The following NIBAN1 variants were observed in gnomAD, a reference collection of about 807,000 sequenced individuals.
The protein encoded by NIBAN1 is protein Niban 1.
Under a neutral mutation model 75.1 loss-of-function variants are expected in NIBAN1, and 81 were observed. The observed-to-expected ratio is 1.08, with a 90% CI of 0.90 to 1.30. The LOEUF (loss-of-function observed/expected upper bound fraction) is 1.30, where lower values mean the gene tolerates loss of function less well. Among genes scored for constraint, NIBAN1 ranks in the 50% most tolerant of loss-of-function variants. The pLI is 0.00. For missense variants in NIBAN1, 1,133 were observed against 1,128.1 expected, an observed-to-expected ratio of 1.00 and a Z score of -0.06; for synonymous variants, 436 against 424.8, an observed-to-expected ratio of 1.03 and a Z score of -0.32.
chr1:184,960,416 A>C (rs528249147), intron 1 of NIBAN1, among the ~76,000 whole-genome samples: 1 of 152,294 alleles, frequency 6.6e-6, no homozygotes, highest in South Asian at 2.1e-4. Context: ...TTATTTTCTA[A>C]GATATTCATT....
intron 5 of NIBAN1, among the ~76,000 whole-genome samples, chr1:184,852,288 C>T (rs1452160167): frequency 1.3e-5 from 2 of 152,180 alleles, no homozygotes; most frequent in Admixed American, 1.3e-4. Context: ...AGGTTTGTCA[C>T]GAATGTCCTT....
chr1:184,837,006 G>A (rs1655161823), intron 5 of NIBAN1, among the ~76,000 whole-genome samples: 1 of 152,188 alleles, frequency 6.6e-6, no homozygotes, highest in Non-Finnish European at 1.5e-5. Context: ...GGTTTGCTTT[G>A]TAAAAGATAA....
chr1:184,954,593 T>C, intron 1 of NIBAN1, among the ~76,000 whole-genome samples: 1 of 152,210 alleles, frequency 6.6e-6, no homozygotes, highest in East Asian at 1.9e-4. Context: ...CAAATTATAC[T>C]TAAGTTTTAA....
intron 1 of NIBAN1, among the ~76,000 whole-genome samples, chr1:184,924,262 C>T (rs900405023): frequency 6.6e-6 from 1 of 151,900 alleles, no homozygotes; most frequent in Admixed American, 6.6e-5. Context: ...AAAGGGATGT[C>T]GAATTTTATC....
intron 1 of NIBAN1, among the ~76,000 whole-genome samples, chr1:184,947,008 G>A (rs1557926234): frequency 6.6e-6 from 1 of 151,610 alleles, no homozygotes; most frequent in Non-Finnish European, 1.5e-5. Context: ...AGGAGGTAGA[G>A]GTTGTGGTGA....
intron 9 of NIBAN1, among the ~76,000 whole-genome samples, chr1:184,817,073 G>A (rs1169917634): frequency 6.6e-6 from 1 of 152,044 alleles, no homozygotes; most frequent in Admixed American, 6.5e-5. Context: ...TCCCTGCCAT[G>A]TCCACGTGTT....
intron 5 of NIBAN1, among the ~76,000 whole-genome samples, chr1:184,864,887 A>G (rs1184272895): frequency 6.6e-6 from 1 of 151,864 alleles, no homozygotes; most frequent in Non-Finnish European, 1.5e-5. Flanking sequence ...AAAGAAAAAA[A>G]AAACATTGGC....
At chr1:184,802,146 T>C (rs1654062822) in intron 12 of NIBAN1, among the ~76,000 whole-genome samples, 1 of 152,254 alleles carries the variant, frequency 6.6e-6, no homozygotes, top group South Asian at 2.1e-4. Flanking sequence ...CATTCATCTA[T>C]TCTGCAAATC....
At chr1:184,904,271 C>T (rs574972212) in intron 1 of NIBAN1, among the ~76,000 whole-genome samples, 8 of 152,188 alleles carry the variant, frequency 5.3e-5, no homozygotes, top group African/African-American at 1.9e-4. Flanking sequence ...ACTCATGATC[C>T]ACCCGCCTCG....
rs542745847 is a variant in NIBAN1 at position 184,822,859 on chromosome 1, G to A, written c.985+308C>T. On this transcript the variant is annotated intron_variant, in intron 8 of 13. Coordinates refer to ENST00000367511, the MANE Select transcript of NIBAN1 (RefSeq NM_052966.4). ...TGAGAGCTTACGGCAGAGAGGAGGTGGAGCAGAAGCCAGTCTAATTCAGTG... is the reference window on the plus strand; with the variant it reads ...TGAGAGCTTACGGCAGAGAGGAGGTAGAGCAGAAGCCAGTCTAATTCAGTG... Among the ~76,000 whole-genome samples, 145 of 152,314 alleles carry A rather than the reference G, an allele frequency of 9.5e-4. 3 individuals carry two copies. Among genetic ancestry groups the A allele is most frequent in the Admixed American group, 3.1e-3 (48 of 15,306 alleles).
At position 184,795,611 on chromosome 1, in the gene NIBAN1, G is replaced by A. The variant is rs751718483; in HGVS notation, c.2153C>T (p.Ala718Val). 12 of 1,613,958 alleles carry A rather than the reference G, an allele frequency of 7.4e-6. No individual in the cohort carries two copies. The highest frequency in any genetic ancestry group is 3.3e-5 in the Admixed American group (2 of 59,996). Reference protein sequence around the residue: ...SLKALRKLLTASVEVPVDSAP... With the variant: ...SLKALRKLLTVSVEVPVDSAP... ...AGAGTCCACTGGTACTTCCACGGAC[G>A]CTGTCAGCAACTTTCTGAGCGCCTT... The change falls in exon 14 of 14, where the codon GCG becomes GTG. Residue 718 changes from alanine (A) to valine (V), a missense_variant. Transcript: ENST00000367511.
At chr1:184,914,080 A>G (rs1234547756) in intron 1 of NIBAN1, among the ~76,000 whole-genome samples, 6 of 152,218 alleles carry the variant, frequency 3.9e-5, no homozygotes. Flanking sequence ...CTCAGCACAG[A>G]GCAAACTTTC....
intron 1 of NIBAN1, among the ~76,000 whole-genome samples, chr1:184,906,371 C>T (rs1657105144): frequency 6.6e-6 from 1 of 152,142 alleles, no homozygotes; most frequent in Admixed American, 6.5e-5. Flanking sequence ...TGGCTCACAC[C>T]TGTAATCCTA....
intron 9 of NIBAN1, among the ~76,000 whole-genome samples, chr1:184,813,030 A>C (rs1254977395): frequency 6.6e-6 from 1 of 152,258 alleles, no homozygotes; most frequent in Non-Finnish European, 1.5e-5. Context: ...GAGTGCTATG[A>C]TTAAAAGTCC....
At chr1:184,866,675 G>A (rs959445174) in intron 5 of NIBAN1, among the ~76,000 whole-genome samples, 1 of 152,140 alleles carries the variant, frequency 6.6e-6, no homozygotes. Flanking sequence ...GAAGAGAACA[G>A]TACTGTGTTC....
At chr1:184,842,417 A>T (rs1274079357) in intron 5 of NIBAN1, among the ~76,000 whole-genome samples, 2 of 151,844 alleles carry the variant, frequency 1.3e-5, no homozygotes. Context: ...TTTGAGAACC[A>T]CTCCTCTACC....
intron 12 of NIBAN1, among the ~76,000 whole-genome samples, chr1:184,800,541 T>C (rs1654009091): frequency 6.6e-6 from 1 of 151,376 alleles, no homozygotes. Context: ...TTGATTTTTG[T>C]ATAAGGTGTA....
chr1:184,797,807 A>C (rs1358389334), intron 13 of NIBAN1, among the ~76,000 whole-genome samples: 2 of 152,260 alleles, frequency 1.3e-5, no homozygotes, highest in African/African-American at 4.8e-5. Flanking sequence ...CTGTAAAATG[A>C]AACTTAAAAT....
In NIBAN1 at chr1:184,936,553, A is replaced by C. The variant is rs550472405; in HGVS notation, c.56-37244T>G. Among the ~76,000 whole-genome samples, 4 of 152,308 alleles carry C rather than the reference A, an allele frequency of 2.6e-5. No individual in the cohort carries two copies. The South Asian group carries it at 8.3e-4, about 32-fold the overall frequency. On this transcript the variant is annotated intron_variant, in intron 1 of 13. Coordinates refer to ENST00000367511, the MANE Select transcript of NIBAN1 (RefSeq NM_052966.4). ...CAGTATCACTGGGATGAAATCAAGG[A>C]GTTAGCAGGCCCACCTGCCCTCTGG...
Sources: allele counts gnomAD v4.1 joint callset (sites outside exome capture counted in the v4.1 genomes callset), GRCh38; gene constraint gnomAD v4.1.1; transcripts MANE v1.5; gene names NCBI Gene and HGNC (gene_info 2026-07-23, HGNC 2026-07-21).